RBAK: variants seen among roughly 807,000 people sequenced by gnomAD.
The protein encoded by RBAK is RB-associated KRAB zinc finger protein.
RBAK carries 39 observed loss-of-function variants against 65.8 expected under a neutral mutation model. The ratio of observed to expected loss-of-function variants is 0.59; its 90% CI spans 0.46 to 0.77. RBAK has a LOEUF of 0.77. Among genes scored for constraint, RBAK ranks in the 30% least tolerant of loss-of-function variants. RBAK has a pLI of 0.00. For missense variants in RBAK, 884 were observed against 855.1 expected (o/e 1.03, Z -0.42); for synonymous variants, 343 against 289.7 (o/e 1.18, Z -1.87).
chr7:5,058,038 C>T (rs1778971374), intron 4 of RBAK, among the ~76,000 whole-genome samples: 1 of 150,936 alleles, frequency 6.6e-6, no homozygotes, highest in Non-Finnish European at 1.5e-5. Context: ...TTATTTACTC[C>T]CTTGCCATTA....
rs1171353280 is a variant in RBAK, at chr7:5,048,746, C to A, written c.15+655C>A. Among the ~76,000 whole-genome samples, 3 of 152,198 alleles carry A rather than the reference C, an allele frequency of 2.0e-5. No homozygotes were observed. Among genetic ancestry groups the A allele is most frequent in the Admixed American group, 1.3e-4 (2 of 15,276 alleles). On this transcript the variant is annotated intron_variant, in intron 2 of 4. Transcript: ENST00000396912. This position sits in a 1 kb window ranked among gnomAD's most constrained non-coding sequence, Gnocchi z 4.4. ...AGAAAAGAGGTTTAATTGGCTCACG[C>A]CTGCAGGCTCTATCATAGGAAGCAT...
chr7:5,061,662 C>T (rs1470878599), intron 4 of RBAK, among the ~76,000 whole-genome samples: 1 of 151,428 alleles, frequency 6.6e-6, no homozygotes. Context: ...CTTTGGGAGG[C>T]TGAGGTGGGT....
In RBAK at chr7:5,045,956, G is replaced by A. The variant is rs555968935; in HGVS notation, c.-485G>A. The A allele has an allele frequency of 1.1e-3, 367 of 325,308 alleles. No homozygotes were observed. Among genetic ancestry groups the A allele is most frequent in the Non-Finnish European group, 1.8e-3 (308 of 173,318 alleles). The allele number at this position is 325,308 out of a possible 1,614,324, so 20.2% of individuals were successfully genotyped here. Reference sequence around the variant, plus strand: ...GAGAATCGCGGAGCCTGCGGGGCTGGAGGTTGAGCGCCCGGGCCAGCACCT... The same window carrying A: ...GAGAATCGCGGAGCCTGCGGGGCTGAAGGTTGAGCGCCCGGGCCAGCACCT... On this transcript the variant is annotated 5_prime_UTR_variant, in exon 1 of 5. Transcript: ENST00000396912.
At chr7:5,050,521 G>A (rs1185807933) in intron 2 of RBAK, among the ~76,000 whole-genome samples, 1 of 152,126 alleles carries the variant, frequency 6.6e-6, no homozygotes, top group African/African-American at 2.4e-5. Flanking sequence ...TTCATTAGGG[G>A]AGGCAAAATG....
chr7:5,057,802 G>T (rs752859041), intron 4 of RBAK, 23 bp downstream of exon 4: 49 of 1,613,504 alleles, frequency 3.0e-5, no homozygotes, highest in Non-Finnish European at 3.7e-5. Flanking sequence ...CGTATCAAAG[G>T]TTAAAAAATG....
Position 5,046,259 on chromosome 7 carries a change from G to A in RBAK, c.-182G>A. ...CCGCCTGGATTTGCCCCTTAGGCCC[G>A]GCCCGGGCCCCTCGGGAGCAGAACA... On this transcript the variant is annotated 5_prime_UTR_variant, in exon 1 of 5. Coordinates refer to ENST00000396912, the MANE Select transcript of RBAK (RefSeq NM_021163.4). The A allele has an allele frequency of 1.9e-6, 1 of 515,688 alleles. No individual in the cohort carries two copies. The highest frequency in any genetic ancestry group is 3.9e-6 in the Non-Finnish European group (1 of 259,320). 31.9% of individuals were successfully genotyped at this position (515,688 alleles called of 1,614,324 possible).
At position 5,065,435 on chromosome 7, in the gene RBAK, T is replaced by C; in HGVS notation, c.1979T>C (p.Phe660Ser). ...GAATGTAATGAATGTGGGAAAGTCTTTTCTCAGAAGTCATACCTCACTGTA... is the reference window on the plus strand; with the variant it reads ...GAATGTAATGAATGTGGGAAAGTCTCTTCTCAGAAGTCATACCTCACTGTA... ...PYECNECGKVFSQKSYLTVHY... is the reference protein window; with the variant it reads ...PYECNECGKVSSQKSYLTVHY... Residue 660 changes from phenylalanine to serine, a missense_variant, in exon 5 of 5, where the codon TTT becomes TCT. Physicochemically the swap from Phe to Ser is radical, Grantham distance 155 (BLOSUM62 -2). Transcript: ENST00000396912. This position sits in a 1 kb window ranked among gnomAD's most constrained non-coding sequence, Gnocchi z 5.3. 1 of 1,614,008 alleles carries C rather than the reference T, an allele frequency of 6.2e-7. No homozygotes were observed. The highest frequency in any genetic ancestry group is 8.5e-7 in the Non-Finnish European group (1 of 1,179,912).
intron 4 of RBAK, among the ~76,000 whole-genome samples, chr7:5,061,282 G>A (rs1410474928): frequency 1.3e-5 from 2 of 151,924 alleles, no homozygotes; most frequent in African/African-American, 4.8e-5. Flanking sequence ...AAATTGTTGG[G>A]GGTTTGAACT....
At chr7:5,063,618 G>A (rs1259918074) in intron 4 of RBAK, 77 bp from the exon 5 acceptor site, 7 of 1,163,128 alleles carry the variant, frequency 6.0e-6, no homozygotes, top group Non-Finnish European at 8.2e-6. Context: ...CCACAATGGG[G>A]GCTCTTGAAT....
At chr7:5,054,603 A>C (rs1232559611) in intron 2 of RBAK, among the ~76,000 whole-genome samples, 1 of 151,524 alleles carries the variant, frequency 6.6e-6, no homozygotes, top group East Asian at 1.9e-4. Flanking sequence ...TAATATATAT[A>C]TTTTTTTCTT....
In RBAK at chr7:5,063,974, A is replaced by G. The variant is rs763572404; in HGVS notation, c.518A>G (p.His173Arg). ...DECNECGKTY[H>R]GEKMCEFNQN... is the part of the protein sequence containing the mutation. The stretch of plus-strand genomic sequence containing the variant: ...TGTAATGAATGTGGGAAAACATATC[A>G]TGGAGAGAAAATGTGTGAATTTAAT... Residue 173 changes from histidine (H) to arginine (R), a missense_variant, in exon 5 of 5, where the codon CAT becomes CGT. Coordinates refer to ENST00000396912, the MANE Select transcript of RBAK (RefSeq NM_021163.4). The G allele has an allele frequency of 3.7e-6, 6 of 1,613,890 alleles. No homozygotes were observed. The highest frequency in any genetic ancestry group is 2.2e-5 in the East Asian group (1 of 44,822).
chr7:5,050,838 T>C (rs1340019621), intron 2 of RBAK, among the ~76,000 whole-genome samples: 1 of 152,218 alleles, frequency 6.6e-6, no homozygotes, highest in Non-Finnish European at 1.5e-5. Flanking sequence ...CTCCCAGTGT[T>C]GGCATTACAG....
intron 4 of RBAK, among the ~76,000 whole-genome samples, chr7:5,059,893 C>T (rs1434738115): frequency 1.3e-5 from 2 of 151,982 alleles, no homozygotes; most frequent in African/African-American, 4.8e-5. Context: ...GGAGTGTATG[C>T]TCTATGAGTA....
intron 2 of RBAK, among the ~76,000 whole-genome samples, chr7:5,056,787 G>GA (rs1778929360): frequency 6.6e-6 from 1 of 152,132 alleles, no homozygotes; most frequent in Non-Finnish European, 1.5e-5. Context: ...GAGAGCCCCA[G>GA]AGCAGTGAGT....
At chr7:5,052,173 G>A (rs527510742) in intron 2 of RBAK, among the ~76,000 whole-genome samples, 2 of 152,202 alleles carry the variant, frequency 1.3e-5, no homozygotes, top group Admixed American at 1.3e-4. Flanking sequence ...TATTTATGTA[G>A]CATTCTTTTG....
At chr7:5,054,910 G>A (rs760200225) in intron 2 of RBAK, among the ~76,000 whole-genome samples, 3 of 151,938 alleles carry the variant, frequency 2.0e-5, no homozygotes, top group Admixed American at 1.3e-4. Context: ...CCCTAGGTAG[G>A]GTAAGTTGAC....
chr7:5,053,057 G>A (rs1788151930), intron 2 of RBAK, among the ~76,000 whole-genome samples: 1 of 152,198 alleles, frequency 6.6e-6, no homozygotes, highest in South Asian at 2.1e-4. Context: ...ACCACACCCA[G>A]CCCAGTTATC....
At chr7:5,060,136 C>T (rs932764297) in intron 4 of RBAK, among the ~76,000 whole-genome samples, 2 of 152,226 alleles carry the variant, frequency 1.3e-5, no homozygotes, top group Middle Eastern at 3.4e-3. Flanking sequence ...CTTCTTCTAC[C>T]GAATTATAGT....
At chr7:5,056,746 G>A (rs1274803452) in intron 2 of RBAK, among the ~76,000 whole-genome samples, 1 of 152,098 alleles carries the variant, frequency 6.6e-6, no homozygotes, top group Non-Finnish European at 1.5e-5. Context: ...GAGAATAAAA[G>A]AGCCAAAAGA....
Sources: allele counts gnomAD v4.1 joint callset (sites outside exome capture counted in the v4.1 genomes callset), GRCh38; gene constraint gnomAD v4.1.1; non-coding constraint Gnocchi (gnomAD v3.1); transcripts MANE v1.5; gene names NCBI Gene and HGNC (gene_info 2026-07-23, HGNC 2026-07-21).